KDM4B: variants seen among roughly 807,000 people sequenced by gnomAD.
KDM4B encodes the protein lysine demethylase 4B.
KDM4B carries 32 observed loss-of-function variants against 125.2 expected under a neutral mutation model. The ratio of observed to expected loss-of-function variants is 0.26; its 90% CI spans 0.19 to 0.34. KDM4B has a LOEUF of 0.34. Among genes scored for constraint, KDM4B ranks in the 10% least tolerant of loss-of-function variants. The probability of loss-of-function intolerance (pLI) is 1.00; values close to 1 mark genes in which losing one functional copy is unlikely to be tolerated. For synonymous variants in KDM4B, 721 were observed against 677.9 expected, an observed-to-expected ratio of 1.06 and a Z score of -0.99; for missense variants, 1,190 against 1,577.7, an observed-to-expected ratio of 0.75 and a Z score of 4.16.
chr19:5,028,197 G>A (rs1452245126), intron 2 of KDM4B, among the ~76,000 whole-genome samples: 9 of 151,984 alleles, frequency 5.9e-5, no homozygotes, highest in South Asian at 2.1e-4. Flanking sequence ...GGCTGGTCTC[G>A]AACTCCTGGG....
At chr19:5,112,122 G>T in intron 10 of KDM4B, 1 of 355,756 alleles carries the variant, frequency 2.8e-6, no homozygotes, top group Non-Finnish European at 5.3e-6. Context: ...GTGTGGTGGT[G>T]TGCGCCTGTG....
intron 11 of KDM4B, among the ~76,000 whole-genome samples, chr19:5,122,936 G>A (rs1367508495): frequency 1.3e-5 from 2 of 152,256 alleles, no homozygotes; most frequent in Non-Finnish European, 2.9e-5. Context: ...CTGCATTGGA[G>A]ATGGACCTGG....
intron 6 of KDM4B, among the ~76,000 whole-genome samples, chr19:5,054,891 G>A (rs549074021): frequency 2.0e-5 from 3 of 152,344 alleles, no homozygotes; most frequent in Middle Eastern, 6.8e-3. Flanking sequence ...TCGGCCTGAC[G>A]CCATCAGCCC....
Position 5,115,248 on chromosome 19 carries a change from G to C in KDM4B, c.1116-4405G>C, listed in dbSNP as rs758096811. ...CCACGGGGCCTCAGAAAGACACAGC[G>C]GGCAAACATGGGCAGCCCCTGGGGG... On this transcript the variant is annotated intron_variant, in intron 10 of 22. Coordinates refer to ENST00000159111, the MANE Select transcript of KDM4B (RefSeq NM_015015.3). The surrounding 1 kb of genome is among the most constrained non-coding windows in gnomAD (Gnocchi z 4.2). Among the ~76,000 whole-genome samples, 2 of 152,098 alleles carry C rather than the reference G, an allele frequency of 1.3e-5. No individual in the cohort carries two copies. The highest frequency in any genetic ancestry group is 2.9e-5 in the Non-Finnish European group (2 of 68,002).
At chr19:5,039,340 C>T (rs2036729887) in intron 3 of KDM4B, among the ~76,000 whole-genome samples, 2 of 152,190 alleles carry the variant, frequency 1.3e-5, no homozygotes, top group South Asian at 4.2e-4. Context: ...CTGTGGTCCC[C>T]ACTACTCGGG....
intron 10 of KDM4B, among the ~76,000 whole-genome samples, chr19:5,118,274 G>A (rs960270229): frequency 2.0e-5 from 3 of 152,248 alleles, no homozygotes; most frequent in Admixed American, 6.5e-5. Context: ...CAGGGGACAC[G>A]GGAAGCACCC....
At chr19:4,984,446 G>A (rs540073242) in intron 1 of KDM4B, among the ~76,000 whole-genome samples, 27 of 152,228 alleles carry the variant, frequency 1.8e-4, no homozygotes, top group Admixed American at 1.6e-3. Flanking sequence ...TATTATAATG[G>A]GGCAGCCAGG....
chr19:5,059,639 C>T (rs546598016), intron 6 of KDM4B, among the ~76,000 whole-genome samples: 1 of 152,348 alleles, frequency 6.6e-6, no homozygotes, highest in Non-Finnish European at 1.5e-5. Context: ...CTCCCGTGCT[C>T]TCCAAAGCTA....
chr19:5,130,849 G>A (rs572789159), intron 11 of KDM4B, among the ~76,000 whole-genome samples: 186 of 152,236 alleles, frequency 1.2e-3, no homozygotes, highest in Admixed American at 3.1e-3. Flanking sequence ...CCGCTGCTGC[G>A]CCTGCGTTGT....
intron 4 of KDM4B, among the ~76,000 whole-genome samples, 166 bp from the exon 5 acceptor site, chr19:5,040,971 T>C (rs2036795299): frequency 6.6e-6 from 1 of 152,164 alleles, no homozygotes; most frequent in African/African-American, 2.4e-5. Context: ...AAGTGCGCTG[T>C]CCCACCCGGA....
At chr19:5,040,982 A>G (rs1404647831) in intron 4 of KDM4B, among the ~76,000 whole-genome samples, 155 bp from the exon 5 acceptor site, 6 of 152,296 alleles carry the variant, frequency 3.9e-5, no homozygotes, top group South Asian at 2.1e-4. Context: ...CCCACCCGGA[A>G]GCAGGTTGCG....
rs147110118 is a variant in KDM4B at position 5,045,889 on chromosome 19, C to T, written c.433-1587C>T. Among the ~76,000 whole-genome samples the T allele has an allele frequency of 1.1e-3, 163 of 152,338 alleles. 1 individual carries two copies. Among genetic ancestry groups the T allele is most frequent in the African/African-American group, 3.0e-3 (126 of 41,576 alleles). On this transcript the variant is annotated intron_variant, in intron 5 of 22. Transcript: ENST00000159111. Reference sequence around the variant, plus strand: ...CCTCCCAAAGTGCTGGGATTACAGGCGTGAGCTACCGCGCCTGGCCATCTT... The same window carrying T: ...CCTCCCAAAGTGCTGGGATTACAGGTGTGAGCTACCGCGCCTGGCCATCTT...
chr19:5,111,387 C>T (rs747124936), intron 10 of KDM4B: 5 of 764,900 alleles, frequency 6.5e-6, no homozygotes, highest in South Asian at 1.3e-5. Context: ...CCCCTCCCTG[C>T]GTATCGCCGC....
chr19:5,020,289 ATGTTGGTGTGCAGGTGTTGGTGTGGG>A (rs1174561028), intron 2 of KDM4B, among the ~76,000 whole-genome samples: 6 of 115,596 alleles, frequency 5.2e-5, no homozygotes, highest in South Asian at 3.0e-4. Flanking sequence ...GATGGTGTAG[ATGTTGGTGTGCAGGTGTTGGTGTGGG>A]TGTTGGTGTG....
At chr19:5,021,154 A>AAAAAAAG (rs2036106923) in intron 2 of KDM4B, among the ~76,000 whole-genome samples, 1 of 148,034 alleles carries the variant, frequency 6.8e-6, no homozygotes, top group Non-Finnish European at 1.5e-5. Flanking sequence ...AAAAAAAAAA[A>AAAAAAAG]AAAGAAAGAA....
intron 10 of KDM4B, chr19:5,113,404 T>A (rs1378319673): frequency 6.6e-6 from 1 of 151,542 alleles, no homozygotes; most frequent in East Asian, 1.9e-4. Context: ...TGACTCACGT[T>A]CCAAAGCCCA....
rs2613804 is a variant in KDM4B, at chr19:5,152,434, T to C, written c.*923T>C. 0.62 allele frequency: 94,762 copies of C among 152,322 alleles called. 29,650 individuals are homozygous for C. The highest frequency in any genetic ancestry group is 0.69 in the African/African-American group (28,686 of 41,530). The allele number at this position is 152,322 out of a possible 1,614,324, so 9.4% of individuals were successfully genotyped here. On this transcript the variant is annotated 3_prime_UTR_variant, in exon 23 of 23. Transcript: ENST00000159111. Reference sequence around the variant, plus strand: ...GCAGACAAAGCACCCCTGCACCTCCTATGGCTCAGGATGAGGGAGGCCCCC... The same window carrying C: ...GCAGACAAAGCACCCCTGCACCTCCCATGGCTCAGGATGAGGGAGGCCCCC...
intron 21 of KDM4B, among the ~76,000 whole-genome samples, chr19:5,149,294 T>C (rs1358420547): frequency 6.6e-6 from 1 of 152,254 alleles, no homozygotes; most frequent in African/African-American, 2.4e-5. Flanking sequence ...ATGGTCTTAG[T>C]GTGTGACTTT....
chr19:4,998,404 G>A (rs2035268508), intron 1 of KDM4B, among the ~76,000 whole-genome samples: 1 of 152,122 alleles, frequency 6.6e-6, no homozygotes, highest in Non-Finnish European at 1.5e-5. Context: ...AAGAATAATA[G>A]GAAGAATTCC....
Sources: gnomAD v4.1 joint callset for allele counts (sites outside exome capture counted in the v4.1 genomes callset) on GRCh38, gnomAD v4.1.1 for gene constraint, Gnocchi (gnomAD v3.1) non-coding constraint, MANE v1.5 for transcripts, NCBI Gene and HGNC (gene_info 2026-07-23, HGNC 2026-07-21) for gene names.